Variants in MMP26 observed in about 807,000 individuals in gnomAD.
The protein encoded by MMP26 is matrix metallopeptidase 26, also known as matrix metalloproteinase-26.
MMP26 carries 33 observed loss-of-function variants against 31.0 expected under a neutral mutation model. That is an observed-to-expected ratio of 1.06 (90% CI 0.81 to 1.42). The LOEUF is 1.42. MMP26 is among the 40% of genes most tolerant of loss of function. The probability of loss-of-function intolerance (pLI) is 0.00; values close to 1 mark genes in which losing one functional copy is unlikely to be tolerated. For missense variants in MMP26, 347 were observed against 316.1 expected (o/e 1.10, Z -0.74); for synonymous variants, 122 against 114.9 (o/e 1.06, Z -0.40).
intron 1 of MMP26, among the ~76,000 whole-genome samples, chr11:4,750,231 T>C (rs922852834): frequency 8.6e-5 from 13 of 151,904 alleles, no homozygotes; most frequent in Admixed American, 5.9e-4. Context: ...CCACAATGGA[T>C]ACCTATCAGA....
At chr11:4,821,742 C>T (rs771639001) in intron 2 of MMP26, 25 of 1,613,822 alleles carry the variant, frequency 1.5e-5, no homozygotes, top group African/African-American at 2.7e-5. Context: ...TCTTTCTACA[C>T]GGATTTACTT....
At chr11:4,757,689 G>A (rs1039322869) in intron 1 of MMP26, among the ~76,000 whole-genome samples, 4 of 151,312 alleles carry the variant, frequency 2.6e-5, no homozygotes, top group Non-Finnish European at 5.9e-5. Context: ...ACAAGCCCAC[G>A]AAAGTTGAGA....
In MMP26 at chr11:4,923,420, T is replaced by C. The variant is rs139588325; in HGVS notation, c.-144-64648T>C. On this transcript the variant is annotated intron_variant, in intron 2 of 7. Transcript: ENST00000380390. ...AAGTGACTTTATAAACTGAAACTTC[T>C]TAATGATGCGCTGGCGAATTTGCTT... is the stretch of plus-strand genomic sequence containing the variant. 871 of 1,588,610 alleles carry C rather than the reference T, an allele frequency of 5.5e-4. No homozygotes were observed. Among genetic ancestry groups the C allele is most frequent in the Non-Finnish European group, 7.1e-4 (828 of 1,167,024 alleles).
chr11:4,724,761 T>C (rs1848073236), intron 1 of MMP26, among the ~76,000 whole-genome samples: 1 of 152,338 alleles, frequency 6.6e-6, no homozygotes, highest in East Asian at 1.9e-4. Flanking sequence ...TTTTCCTTCC[T>C]AGTTATGGCT....
At chr11:4,923,785 C>T in intron 2 of MMP26, 1 of 1,614,046 alleles carries the variant, frequency 6.2e-7, no homozygotes, top group Non-Finnish European at 8.5e-7. Context: ...GCTTCATGAT[C>T]TCCAGGTGAA....
intron 2 of MMP26, among the ~76,000 whole-genome samples, chr11:4,846,749 A>G (rs990645603): frequency 1.3e-5 from 2 of 152,236 alleles, no homozygotes; most frequent in South Asian, 2.1e-4. Context: ...TGCTACAACA[A>G]TAGTGCTCCT....
chr11:4,840,170 C>G (rs1272558271), intron 2 of MMP26, among the ~76,000 whole-genome samples: 2 of 152,154 alleles, frequency 1.3e-5, no homozygotes, highest in Non-Finnish European at 2.9e-5. Flanking sequence ...AATAGAACAC[C>G]AGGTAGACTT....
At chr11:4,814,001 AC>A (rs1849386255) in intron 2 of MMP26, among the ~76,000 whole-genome samples, 1 of 152,218 alleles carries the variant, frequency 6.6e-6, no homozygotes, top group South Asian at 2.1e-4. Context: ...CAAGAGGTAG[AC>A]AAAGGGTCAA....
intron 1 of MMP26, among the ~76,000 whole-genome samples, chr11:4,756,491 T>C (rs1483241411): frequency 6.6e-6 from 1 of 152,052 alleles, no homozygotes; most frequent in Admixed American, 6.6e-5. Flanking sequence ...AGTTTTTTTT[T>C]TAAATTACAA....
chr11:4,904,841 G>C (rs946005962), intron 2 of MMP26, among the ~76,000 whole-genome samples: 5 of 152,080 alleles, frequency 3.3e-5, no homozygotes, highest in African/African-American at 1.2e-4. Flanking sequence ...TATTTGCTGA[G>C]AGCCTTTTAT....
intron 2 of MMP26, among the ~76,000 whole-genome samples, chr11:4,966,446 T>C (rs1332837124): frequency 6.6e-6 from 1 of 152,122 alleles, no homozygotes; most frequent in Admixed American, 6.5e-5. Context: ...ATTCGATATC[T>C]CCAGTGATTA....
intron 2 of MMP26, chr11:4,769,450 T>C: frequency 6.2e-7 from 1 of 1,612,652 alleles, no homozygotes. Flanking sequence ...GCAATATTAG[T>C]ACTATAGCAC....
At chr11:4,978,868 G>A (rs1194657851) in intron 2 of MMP26, among the ~76,000 whole-genome samples, 1 of 152,046 alleles carries the variant, frequency 6.6e-6, no homozygotes, top group Non-Finnish European at 1.5e-5. Flanking sequence ...CAGATGGTGA[G>A]GTGTTGGGTC....
chr11:4,867,387 CTT>C (rs3065176), intron 2 of MMP26, among the ~76,000 whole-genome samples: 21,950 of 97,570 alleles, frequency 0.22, 1,791 homozygotes, highest in South Asian at 0.31. Context: ...AGATGCTGTC[CTT>C]TTTTTTTTTT....
At chr11:4,845,493 A>G (rs1198083998) in intron 2 of MMP26, among the ~76,000 whole-genome samples, 1 of 152,180 alleles carries the variant, frequency 6.6e-6, no homozygotes, top group Non-Finnish European at 1.5e-5. Context: ...GGAAACTACT[A>G]CAAAAAAACA....
chr11:4,882,872 A>G, intron 2 of MMP26: 3 of 1,611,984 alleles, frequency 1.9e-6, no homozygotes, highest in Non-Finnish European at 2.5e-6. Context: ...TCTTAGGGGA[A>G]GATGGGATTG....
At chr11:4,789,837 C>G (rs940265631) in intron 2 of MMP26, among the ~76,000 whole-genome samples, 1 of 151,620 alleles carries the variant, frequency 6.6e-6, no homozygotes, top group Non-Finnish European at 1.5e-5. Context: ...TGAAGGATAT[C>G]CCTTTTAAAG....
At chr11:4,837,370 C>G (rs1849733159) in intron 2 of MMP26, among the ~76,000 whole-genome samples, 1 of 151,998 alleles carries the variant, frequency 6.6e-6, no homozygotes, top group South Asian at 2.1e-4. Flanking sequence ...ACCATGAATG[C>G]CTATTTATTT....
At chr11:4,882,597 G>T (rs373780146) in intron 2 of MMP26, 6 of 1,613,740 alleles carry the variant, frequency 3.7e-6, no homozygotes, top group Non-Finnish European at 5.1e-6. Flanking sequence ...ATTGTGGCCC[G>T]AAAGAAGCAA....
Sources: allele counts gnomAD v4.1 joint callset (sites outside exome capture counted in the v4.1 genomes callset), GRCh38; gene constraint gnomAD v4.1.1; transcripts MANE v1.5; gene names NCBI Gene and HGNC (gene_info 2026-07-23, HGNC 2026-07-21).